Variants in SLC35F1 observed in about 807,000 individuals in gnomAD.
SLC35F1 encodes solute carrier family 35 member F1, also known as chromosome 6 open reading frame 169.
Under a neutral mutation model 48.7 loss-of-function variants are expected in SLC35F1, and 14 were observed. The observed-to-expected ratio is 0.29, with a 90% CI of 0.19 to 0.45. The LOEUF (loss-of-function observed/expected upper bound fraction) is 0.45. Ranked by LOEUF, SLC35F1 falls within the 20% of genes least tolerant of loss-of-function variation. The probability of loss-of-function intolerance (pLI) is 1.00; values close to 1 mark genes in which losing one functional copy is unlikely to be tolerated. For missense variants in SLC35F1, 404 were observed against 500.0 expected, an observed-to-expected ratio of 0.81 and a Z score of 1.83; for synonymous variants, 190 against 202.2, an observed-to-expected ratio of 0.94 and a Z score of 0.51.
At chr6:118,238,188 C>T (rs1274499035) in intron 3 of SLC35F1, among the ~76,000 whole-genome samples, 2 of 152,052 alleles carry the variant, frequency 1.3e-5, no homozygotes, top group African/African-American at 4.8e-5. Context: ...ATATCCTTTT[C>T]GTCTCCATCC....
chr6:118,086,960 T>G (rs556637031), intron 1 of SLC35F1, among the ~76,000 whole-genome samples: 3 of 152,168 alleles, frequency 2.0e-5, no homozygotes, highest in Non-Finnish European at 4.4e-5. Context: ...TAAAAGCATA[T>G]CTGTAAAGCC....
chr6:118,198,374 A>T (rs1562322582), intron 2 of SLC35F1, among the ~76,000 whole-genome samples: 1 of 152,202 alleles, frequency 6.6e-6, no homozygotes, highest in Non-Finnish European at 1.5e-5. Flanking sequence ...AAGTGTTTCA[A>T]ACTGAAACAT....
At chr6:118,228,928 G>C (rs1041985390) in intron 2 of SLC35F1, among the ~76,000 whole-genome samples, 1 of 151,494 alleles carries the variant, frequency 6.6e-6, no homozygotes, top group Non-Finnish European at 1.5e-5. Context: ...TGAAAATGCA[G>C]TTCCCAAAAT....
At chr6:118,193,518 A>T (rs1012227050) in intron 2 of SLC35F1, among the ~76,000 whole-genome samples, 2 of 152,120 alleles carry the variant, frequency 1.3e-5, no homozygotes, top group Non-Finnish European at 2.9e-5. Context: ...TAACCCTCTA[A>T]ACTTAGGCAA....
chr6:118,240,268 A>G (rs562732079), intron 3 of SLC35F1, among the ~76,000 whole-genome samples: 3 of 152,360 alleles, frequency 2.0e-5, no homozygotes, highest in African/African-American at 7.2e-5. Flanking sequence ...CAAAGGAGGC[A>G]GAGATGATAG....
rs760651651 is a variant in SLC35F1, at chr6:118,235,566, G to A, written c.407G>A (p.Gly136Glu). ...RRRWWKYMIL[G>E]LIDLEANYLV... Reference sequence around the variant, plus strand: ...AGATGGTGGAAGTACATGATTTTGGGACTCATAGACCTGGAAGCAAATTAT... The same window carrying A: ...AGATGGTGGAAGTACATGATTTTGGAACTCATAGACCTGGAAGCAAATTAT... Residue 136 changes from glycine (G) to glutamate (E), a missense_variant, in exon 3 of 8, where the codon GGA becomes GAA. Around this residue, in one of 2 missense-constraint regions of SLC35F1, gnomAD observed 306 missense variants for 419.1 expected, o/e 0.73. Transcript: ENST00000360388. 6.2e-7 allele frequency: 1 copy of A among 1,613,358 alleles called. No individual in the cohort carries two copies. The highest frequency in any genetic ancestry group is 8.5e-7 in the Non-Finnish European group (1 of 1,179,608).
intron 1 of SLC35F1, among the ~76,000 whole-genome samples, chr6:117,993,927 A>G (rs1776952292): frequency 6.6e-6 from 1 of 152,188 alleles, no homozygotes; most frequent in African/African-American, 2.4e-5. Context: ...GAAACAATGC[A>G]AATTTGTTAT....
intron 2 of SLC35F1, among the ~76,000 whole-genome samples, chr6:118,164,903 G>T (rs1774295667): frequency 6.6e-6 from 1 of 152,140 alleles, no homozygotes; most frequent in Non-Finnish European, 1.5e-5. Flanking sequence ...CACTGTGAGA[G>T]AACTCACTGA....
At chr6:117,933,419 A>G (rs545983037) in intron 1 of SLC35F1, among the ~76,000 whole-genome samples, 1 of 152,208 alleles carries the variant, frequency 6.6e-6, no homozygotes, top group Admixed American at 6.5e-5. Context: ...TAAAGAGGGT[A>G]TACCACACTC....
At chr6:117,948,948 A>G (rs1562245815) in intron 1 of SLC35F1, among the ~76,000 whole-genome samples, 4 of 152,138 alleles carry the variant, frequency 2.6e-5, no homozygotes, top group African/African-American at 9.7e-5. Context: ...ACAAAAGAGG[A>G]AGGACAGAGT....
intron 1 of SLC35F1, among the ~76,000 whole-genome samples, chr6:118,124,791 A>G (rs1172955352): frequency 6.6e-6 from 1 of 152,174 alleles, no homozygotes; most frequent in South Asian, 2.1e-4. Context: ...GAAATTCCAT[A>G]TATTCTCACA....
intron 1 of SLC35F1, among the ~76,000 whole-genome samples, chr6:117,924,064 TAG>T (rs1775985187): frequency 1.3e-5 from 2 of 149,918 alleles, no homozygotes; most frequent in Non-Finnish European, 3.0e-5. Context: ...TATACACACA[TAG>T]GTACACATGC....
chr6:118,226,721 G>C (rs527688181), intron 2 of SLC35F1, among the ~76,000 whole-genome samples: 3 of 152,290 alleles, frequency 2.0e-5, no homozygotes, highest in African/African-American at 7.2e-5. Flanking sequence ...GAGAGGAGTG[G>C]TAGGGGATGA....
intron 7 of SLC35F1, among the ~76,000 whole-genome samples, chr6:118,304,543 A>T (rs1185976355): frequency 6.6e-6 from 1 of 152,182 alleles, no homozygotes; most frequent in African/African-American, 2.4e-5. Context: ...TTAAATAGCC[A>T]GTTCCATAAA....
At chr6:118,121,125 G>A (rs1243862337) in intron 1 of SLC35F1, among the ~76,000 whole-genome samples, 4 of 152,110 alleles carry the variant, frequency 2.6e-5, no homozygotes, top group Non-Finnish European at 4.4e-5. Context: ...CGAAAGAATA[G>A]GTGAAATAGA....
chr6:118,145,611 C>T (rs1287705918), intron 1 of SLC35F1, among the ~76,000 whole-genome samples: 1 of 152,114 alleles, frequency 6.6e-6, no homozygotes, highest in Non-Finnish European at 1.5e-5. Context: ...AAATTTGTAA[C>T]TGTCAGCAAG....
intron 7 of SLC35F1, among the ~76,000 whole-genome samples, chr6:118,286,391 G>C (rs984044999): frequency 1.3e-5 from 2 of 152,150 alleles, no homozygotes; most frequent in African/African-American, 2.4e-5. Context: ...GCTAAAAAGA[G>C]CATGTACTTG....
intron 3 of SLC35F1, among the ~76,000 whole-genome samples, chr6:118,245,810 G>A (rs575737979): frequency 1.3e-5 from 2 of 152,288 alleles, no homozygotes; most frequent in African/African-American, 2.4e-5. Context: ...CCTCAGCTGG[G>A]TGTGGGGCTT....
At position 118,316,954 on chromosome 6, in the gene SLC35F1, T is replaced by TA. The variant is rs1472962784; in HGVS notation, c.*2708dup. Reference sequence around the variant, plus strand: ...GCAAAGAACAAATTCTTTTTCTGTGTAAAAAACACTGATCCTTTGGGAATG... The same window carrying TA: ...GCAAAGAACAAATTCTTTTTCTGTGTAAAAAAACACTGATCCTTTGGGAATG... On this transcript the variant is annotated 3_prime_UTR_variant, in exon 8 of 8. Transcript: ENST00000360388. The TA allele has an allele frequency of 6.6e-6, 1 of 152,462 alleles. No individual in the cohort carries two copies. Among genetic ancestry groups the TA allele is most frequent in the Non-Finnish European group, 1.5e-5 (1 of 67,992 alleles). The allele number at this position is 152,462 out of a possible 1,614,324, so 9.4% of individuals were successfully genotyped here.
Sources: allele counts gnomAD v4.1 joint callset (sites outside exome capture counted in the v4.1 genomes callset), GRCh38; gene constraint gnomAD v4.1.1; regional missense constraint gnomAD v4.1.1; transcripts MANE v1.5; gene names NCBI Gene and HGNC (gene_info 2026-07-23, HGNC 2026-07-21).